The following MFAP3L variants were observed in gnomAD, a reference collection of about 807,000 sequenced individuals.
MFAP3L encodes the protein microfibril associated protein 3 like.
In MFAP3L, 5 loss-of-function variants were observed where a neutral mutation model predicts 20.0. The ratio of observed to expected loss-of-function variants is 0.25; its 90% confidence interval spans 0.13 to 0.53. The LOEUF is 0.53. Among genes scored for constraint, MFAP3L ranks in the 20% least tolerant of loss-of-function variants. The pLI, the probability that MFAP3L is intolerant of heterozygous loss-of-function variation, is 0.96. For synonymous variants in MFAP3L, 219 were observed against 213.0 expected, an observed-to-expected ratio of 1.03 and a Z score of -0.25; for missense variants, 409 against 527.5, an observed-to-expected ratio of 0.78 and a Z score of 2.20.
chr4:169,999,518 A>T (rs1361732543), intron 2 of MFAP3L, among the ~76,000 whole-genome samples: 3 of 152,180 alleles, frequency 2.0e-5, no homozygotes, highest in Non-Finnish European at 1.5e-5. Context: ...ATGGGCTCAT[A>T]ATAGTCTTTT....
chr4:170,002,140 G>A (rs771953457), intron 2 of MFAP3L: 120 of 977,406 alleles, frequency 1.2e-4, no homozygotes, highest in Middle Eastern at 5.2e-4. Flanking sequence ...CCTTGCTATC[G>A]GTAGTGAGGA....
intron 1 of MFAP3L, among the ~76,000 whole-genome samples, chr4:170,024,314 G>A (rs78495960): frequency 2.0e-5 from 3 of 152,138 alleles, no homozygotes; most frequent in Admixed American, 6.5e-5. Context: ...GGATCGAGAA[G>A]GGGGCCTATT....
At chr4:170,027,072 ATAT>A (rs1421343026), upstream of MFAP3L, 2 of 152,098 alleles carry the variant, frequency 1.3e-5, no homozygotes, top group Admixed American at 6.5e-5. Context: ...TTCTTTAAAA[ATAT>A]TATTTGTAAT....
intron 1 of MFAP3L, among the ~76,000 whole-genome samples, chr4:170,015,786 G>C (rs894398963): frequency 3.9e-5 from 6 of 152,128 alleles, no homozygotes; most frequent in African/African-American, 1.4e-4. Context: ...TGAAGCCTGA[G>C]CCTCACTACT....
chr4:170,014,396 C>G (rs1434980996), intron 1 of MFAP3L, among the ~76,000 whole-genome samples: 1 of 152,166 alleles, frequency 6.6e-6, no homozygotes, highest in African/African-American at 2.4e-5. Context: ...TGAAACCAGG[C>G]AGGAGCTGAT....
chr4:169,999,451 CTT>C (rs1157468579), intron 2 of MFAP3L, among the ~76,000 whole-genome samples: 2 of 152,144 alleles, frequency 1.3e-5, no homozygotes. Flanking sequence ...GTCTGGTAAT[CTT>C]AATTTTTAAA....
upstream of MFAP3L, among the ~76,000 whole-genome samples, chr4:170,026,612 A>T (rs1321682035): frequency 2.0e-5 from 3 of 151,764 alleles, no homozygotes; most frequent in Admixed American, 6.6e-5. Context: ...GTTGCCGGGG[A>T]GTCCCGCATT....
chr4:169,992,571 C>T lies in MFAP3L; in HGVS notation c.299-262G>A, dbSNP rs1367111944. Among the ~76,000 whole-genome samples the T allele has an allele frequency of 6.6e-6, 1 of 152,254 alleles. No homozygotes were observed. The highest frequency in any genetic ancestry group is 1.9e-4 in the East Asian group (1 of 5,194). On this transcript the variant is annotated intron_variant, in intron 2 of 2. Coordinates refer to ENST00000361618, the MANE Select transcript of MFAP3L (RefSeq NM_021647.8). The surrounding 1 kb of genome is among the most constrained non-coding windows in gnomAD (Gnocchi z 4.3). ...TGAGGCACAGTCAGGTTAGACAACA[C>T]TCCCAAGGGCACCGGCTTGGAAGCC...
At chr4:170,006,106 A>C in intron 1 of MFAP3L, 96 bp from the exon 2 acceptor site, 19 of 956,450 alleles carry the variant, frequency 2.0e-5, no homozygotes, top group African/African-American at 5.2e-5. Flanking sequence ...AAATACAAAC[A>C]TCAACATACT....
In MFAP3L at chr4:170,005,992, T is replaced by C; in HGVS notation, c.-115A>G. On this transcript the variant is annotated 5_prime_UTR_variant, in exon 2 of 3. Coordinates refer to ENST00000361618, the MANE Select transcript of MFAP3L (RefSeq NM_021647.8). Reference sequence around the variant, plus strand: ...ACAAACCTGTCCTGGGTCCATAGAGTTGGTACTTGAGCAAGAACCTGTTTT... The same window carrying C: ...ACAAACCTGTCCTGGGTCCATAGAGCTGGTACTTGAGCAAGAACCTGTTTT... 2.1e-6 allele frequency: 3 copies of C among 1,450,700 alleles called. No homozygotes were observed. Among genetic ancestry groups the C allele is most frequent in the Non-Finnish European group, 2.7e-6 (3 of 1,104,042 alleles). The allele number at this position is 1,450,700 out of a possible 1,614,324, so 89.9% of individuals were successfully genotyped here. A position where few individuals can be genotyped will look rare whatever the true frequency, so the allele number is the denominator to read the frequency against.
At chr4:170,006,912 T>G (rs1017581069) in intron 1 of MFAP3L, 3 of 152,250 alleles carry the variant, frequency 2.0e-5, no homozygotes, top group Non-Finnish European at 4.4e-5. Flanking sequence ...AGGTCACTCA[T>G]GTACACCCTG....
chr4:169,992,164 G>A lies in MFAP3L; in HGVS notation c.444C>T (p.Asp148=), dbSNP rs895815724. The A allele has an allele frequency of 6.2e-7, 1 of 1,614,150 alleles. No individual in the cohort carries two copies. The highest frequency in any genetic ancestry group is 1.3e-5 in the African/African-American group (1 of 75,060). The part of the protein sequence containing the change: ...VTLRVIFTSG[D]MGVYYMVVCL... ...ACACGACCATGTAGTAGACACCCAT[G>A]TCTCCAGAAGTGAAGATGACGCGCA... Residue 148 remains aspartate (D), a synonymous_variant, in exon 3 of 3, where the codon GAC becomes GAT. Transcript: ENST00000361618. This position sits in a 1 kb window ranked among gnomAD's most constrained non-coding sequence, Gnocchi z 4.3.
In MFAP3L at chr4:170,018,415, G is replaced by A. The variant is rs576987179; in HGVS notation, c.-134+7819C>T. 7.4e-4 allele frequency among the ~76,000 whole-genome samples: 112 copies of A among 152,290 alleles called. 1 individual carries two copies. The highest frequency in any genetic ancestry group is 1.5e-5 in the Non-Finnish European group (1 of 68,020). On this transcript the variant is annotated intron_variant, in intron 1 of 2. Transcript: ENST00000361618. Reference sequence around the variant, plus strand: ...ATTCTATTCCAGATGAGGGCCTCTGGGGCATCTTAGGAGAAATGATAAAGA... The same window carrying A: ...ATTCTATTCCAGATGAGGGCCTCTGAGGCATCTTAGGAGAAATGATAAAGA...
intron 2 of MFAP3L, among the ~76,000 whole-genome samples, chr4:170,001,459 A>T (rs1738611906): frequency 6.6e-6 from 1 of 152,206 alleles, no homozygotes; most frequent in African/African-American, 2.4e-5. Context: ...AACCTAACTT[A>T]ATGGAAGAAT....
intron 1 of MFAP3L, among the ~76,000 whole-genome samples, chr4:170,018,018 T>C (rs1054736863): frequency 1.1e-4 from 16 of 152,208 alleles, no homozygotes; most frequent in African/African-American, 3.6e-4. Context: ...CCAATTACTA[T>C]GGGGATTAAA....
intron 2 of MFAP3L, chr4:170,003,734 G>T (rs954640765): frequency 4.1e-6 from 4 of 985,422 alleles, no homozygotes; most frequent in Admixed American, 6.1e-5. Flanking sequence ...CTTTGATTCA[G>T]TCACCGTGGG....
chr4:170,013,499 T>TCCAA (rs1739510964), intron 1 of MFAP3L, among the ~76,000 whole-genome samples: 3 of 151,482 alleles, frequency 2.0e-5, no homozygotes, highest in African/African-American at 7.4e-5. Context: ...AAAACTTGGA[T>TCCAA]GTATTTTCAT....
At chr4:170,002,084 G>T (rs1738667462) in intron 2 of MFAP3L, 2 of 985,022 alleles carry the variant, frequency 2.0e-6, no homozygotes, top group Non-Finnish European at 1.2e-6. Flanking sequence ...GCATGTGCAT[G>T]CCATGTACAC....
intron 1 of MFAP3L, 65 bp downstream of exon 1, chr4:170,026,145 GCCCCGGCGCCGACTCGGCCGCCGA>G: frequency 2.6e-6 from 2 of 777,840 alleles, no homozygotes; most frequent in Middle Eastern, 6.6e-4. Context: ...AAGTTCGGCG[GCCCCGGCGCCGACTCGGCCGCCGA>G]CCCGGTGCGG....
Sources: gnomAD v4.1 joint callset for allele counts (sites outside exome capture counted in the v4.1 genomes callset) on GRCh38, gnomAD v4.1.1 for gene constraint, Gnocchi (gnomAD v3.1) non-coding constraint, MANE v1.5 for transcripts, NCBI Gene and HGNC (gene_info 2026-07-23, HGNC 2026-07-21) for gene names.